Variants in GPALPP1 observed in about 807,000 individuals in gnomAD.
GPALPP1 encodes the protein GPALPP motifs-containing protein 1.
A neutral mutation model predicts 38.9 loss-of-function variants in GPALPP1; 30 were observed. The observed-to-expected ratio is 0.77, with a 90% CI of 0.58 to 1.05. The LOEUF (loss-of-function observed/expected upper bound fraction) is 1.05, where lower values mean the gene tolerates loss of function less well. GPALPP1 is among the 50% of genes least tolerant of loss of function. The pLI, the probability that GPALPP1 is intolerant of heterozygous loss-of-function variation, is 0.00. For synonymous variants in GPALPP1, 120 were observed against 139.2 expected, an observed-to-expected ratio of 0.86 and a Z score of 0.97; for missense variants, 384 against 408.8, an observed-to-expected ratio of 0.94 and a Z score of 0.52.
chr13:44,989,745 A>T lies in GPALPP1; in HGVS notation c.88+3A>T. The T allele has an allele frequency of 6.2e-7, 1 of 1,604,914 alleles. No homozygotes were observed. Among genetic ancestry groups the T allele is most frequent in the Non-Finnish European group, 8.5e-7 (1 of 1,177,606 alleles). On this transcript the variant is annotated splice_donor_region_variant and intron_variant, in intron 1 of 7. Transcript: ENST00000379151. ...CGAAGAGCGGGACCCGAGCCCTGGTAAGCGGCGGCGTCTCCGCTGCCCACC... is the reference window on the plus strand; with the variant it reads ...CGAAGAGCGGGACCCGAGCCCTGGTTAGCGGCGGCGTCTCCGCTGCCCACC...
chr13:45,018,962 T>TGTATAA (rs1737696805), intron 6 of GPALPP1, among the ~76,000 whole-genome samples: 2 of 63,288 alleles, frequency 3.2e-5, no homozygotes, highest in Non-Finnish European at 5.4e-5. Flanking sequence ...TACATATAAA[T>TGTATAA]ATATATACAT....
downstream of GPALPP1, chr13:45,033,135 A>G (rs1362161232): frequency 6.6e-6 from 1 of 152,182 alleles, no homozygotes; most frequent in Non-Finnish European, 1.5e-5. Flanking sequence ...TTATCCTAAA[A>G]CATTATGACA....
At chr13:45,016,536 T>C (rs1874884690) in intron 6 of GPALPP1, among the ~76,000 whole-genome samples, 1 of 152,234 alleles carries the variant, frequency 6.6e-6, no homozygotes, top group Non-Finnish European at 1.5e-5. Flanking sequence ...TTCTGTTTAT[T>C]ACAAAATATT....
intron 1 of GPALPP1, chr13:44,990,144 C>T: frequency 2.4e-6 from 1 of 415,990 alleles, no homozygotes; most frequent in Non-Finnish European, 4.2e-6. Context: ...TAGAAGGAAG[C>T]GGTTCTCTTA....
At chr13:45,024,623 G>T (rs1222149988) in intron 7 of GPALPP1, among the ~76,000 whole-genome samples, 1 of 149,614 alleles carries the variant, frequency 6.7e-6, no homozygotes, top group Admixed American at 6.7e-5. Flanking sequence ...TTTTAAATTT[G>T]ACATCTAAAA....
chr13:44,990,219 ACCTGCCTT>A (rs948384512), intron 1 of GPALPP1: 11 of 346,950 alleles, frequency 3.2e-5, no homozygotes, highest in African/African-American at 2.3e-4. Context: ...CCAGCCCCCG[ACCTGCCTT>A]CCTAGCCTCT....
intron 2 of GPALPP1, 147 bp downstream of exon 2, chr13:45,004,584 T>G (rs1442142543): frequency 8.6e-6 from 5 of 584,580 alleles, no homozygotes; most frequent in Non-Finnish European, 1.2e-5. Context: ...TCCTGAATTA[T>G]ACCTTTTACA....
intron 1 of GPALPP1, chr13:45,001,568 C>G (rs959035265): frequency 6.6e-6 from 1 of 152,120 alleles, no homozygotes; most frequent in African/African-American, 2.4e-5. Flanking sequence ...TAGTCAGGCA[C>G]AAAACCTAAG....
downstream of GPALPP1, chr13:45,035,067 C>T (rs142142319): frequency 0.049 from 7,462 of 152,058 alleles, 269 homozygotes; most frequent in East Asian, 0.11. Context: ...CGCCATTCTC[C>T]TGCCTCAGCC....
chr13:45,010,089 T>A (rs1259746299), intron 4 of GPALPP1, among the ~76,000 whole-genome samples: 1 of 152,206 alleles, frequency 6.6e-6, no homozygotes, highest in Non-Finnish European at 1.5e-5. Context: ...AAAGTCCTTT[T>A]AGGGCCCTAT....
chr13:45,018,171 G>A (rs554290713), intron 6 of GPALPP1, among the ~76,000 whole-genome samples: 1 of 152,304 alleles, frequency 6.6e-6, no homozygotes, highest in South Asian at 2.1e-4. Context: ...GCTGAGGTGG[G>A]CGGATCACAA....
chr13:45,035,684 C>A (rs1228626004), exon 8 of GPALPP1: 1 of 152,180 alleles, frequency 6.6e-6, no homozygotes, highest in Non-Finnish European at 1.5e-5. Context: ...CTGAAAAATA[C>A]AGTAGATCAG....
chr13:45,017,976 C>T (rs1034770788), intron 6 of GPALPP1, among the ~76,000 whole-genome samples: 2 of 152,120 alleles, frequency 1.3e-5, no homozygotes, highest in African/African-American at 4.8e-5. Flanking sequence ...ATTTTTATAA[C>T]AGATCTTAGC....
chr13:44,997,211 G>C (rs1243054004), intron 1 of GPALPP1, among the ~76,000 whole-genome samples: 2 of 151,264 alleles, frequency 1.3e-5, no homozygotes, highest in Non-Finnish European at 2.9e-5. Context: ...TCTGTTATCT[G>C]TCCTGTGTTC....
At chr13:45,027,179 T>C (rs1397056504) in intron 7 of GPALPP1, among the ~76,000 whole-genome samples, 4 of 152,174 alleles carry the variant, frequency 2.6e-5, no homozygotes, top group Admixed American at 6.5e-5. Flanking sequence ...TTCTATCCTT[T>C]ACCTTAGTCA....
At chr13:45,013,311 C>T (rs1045891832) in intron 4 of GPALPP1, among the ~76,000 whole-genome samples, 2 of 152,144 alleles carry the variant, frequency 1.3e-5, no homozygotes, top group Non-Finnish European at 2.9e-5. Context: ...ACCAAGAAGC[C>T]TGCCAAAGTT....
rs1300904385 is a variant in GPALPP1 at position 45,009,132 on chromosome 13, A to G, written c.408+253A>G. On this transcript the variant is annotated intron_variant, in intron 4 of 7. Coordinates refer to ENST00000379151, the MANE Select transcript of GPALPP1 (RefSeq NM_018559.5). Reference sequence around the variant, plus strand: ...GGGGTGTTACCTATTCATACTTCTTATCTTTGAAGGGGGACTTTAAGGTGT... The same window carrying G: ...GGGGTGTTACCTATTCATACTTCTTGTCTTTGAAGGGGGACTTTAAGGTGT... 3 of 525,792 alleles carry G rather than the reference A, an allele frequency of 5.7e-6. No homozygotes were observed. In the African/African-American group the frequency reaches 5.7e-5, roughly 10 times the overall value. 32.6% of individuals were successfully genotyped at this position (525,792 alleles called of 1,614,324 possible).
intron 4 of GPALPP1, 116 bp downstream of exon 4, chr13:45,008,995 T>G: frequency 1.4e-6 from 1 of 719,862 alleles, no homozygotes; most frequent in Non-Finnish European, 2.6e-6. Flanking sequence ...TGGACTCAAC[T>G]GTAATGTAAG....
At chr13:44,998,990 G>A (rs1364745814) in intron 1 of GPALPP1, among the ~76,000 whole-genome samples, 3 of 152,214 alleles carry the variant, frequency 2.0e-5, no homozygotes, top group Admixed American at 2.0e-4. Context: ...ACTTTTGACT[G>A]TAGGTCAGTA....
Sources: gnomAD v4.1 joint callset for allele counts (sites outside exome capture counted in the v4.1 genomes callset) on GRCh38, gnomAD v4.1.1 for gene constraint, MANE v1.5 for transcripts, NCBI Gene and HGNC (gene_info 2026-07-23, HGNC 2026-07-21) for gene names.